PPM1L: variants seen among roughly 807,000 people sequenced by gnomAD.
The protein encoded by PPM1L is protein phosphatase, Mg2+/Mn2+ dependent 1L.
A neutral mutation model predicts 31.4 loss-of-function variants in PPM1L; 13 were observed. The observed-to-expected ratio is 0.41, with a 90% confidence interval of 0.27 to 0.66. The LOEUF is 0.66. Among genes scored for constraint, PPM1L ranks in the 30% least tolerant of loss-of-function variants. PPM1L has a pLI of 0.29. For missense variants in PPM1L, 326 were observed against 453.7 expected (o/e 0.72, Z 2.56); for synonymous variants, 184 against 175.4 (o/e 1.05, Z -0.39).
Position 160,807,037 on chromosome 3 carries a change from A to G in PPM1L, c.399+50330A>G, listed in dbSNP as rs113852192. Among the ~76,000 whole-genome samples the G allele has an allele frequency of 9.6e-3, 1,456 of 152,304 alleles. 21 individuals are homozygous for G. The highest frequency in any genetic ancestry group is 0.032 in the African/African-American group (1,343 of 41,544). On this transcript the variant is annotated intron_variant, in intron 1 of 3. Transcript: ENST00000498165. ...ACCAGTTACATCAGAATCTCTGAAG[A>G]TGGGGCCGAGGCATCAAGTTTTTAA...
intron 1 of PPM1L, among the ~76,000 whole-genome samples, chr3:160,785,630 T>A (rs958158375): frequency 6.6e-6 from 1 of 152,194 alleles, no homozygotes; most frequent in East Asian, 1.9e-4. Context: ...TTATGTAAAC[T>A]CTTCTGCACT....
chr3:160,973,964 G>A (rs1170779424), intron 2 of PPM1L, among the ~76,000 whole-genome samples: 3 of 148,528 alleles, frequency 2.0e-5, no homozygotes, highest in Non-Finnish European at 4.5e-5. Flanking sequence ...CTGGTGCGCT[G>A]GACCCACTAA....
chr3:160,908,026 T>G (rs1332996274), intron 1 of PPM1L, among the ~76,000 whole-genome samples: 1 of 152,180 alleles, frequency 6.6e-6, no homozygotes, highest in Non-Finnish European at 1.5e-5. Context: ...AGGGAGAGAA[T>G]GATTCTGAAG....
intron 1 of PPM1L, among the ~76,000 whole-genome samples, chr3:160,843,037 A>G (rs886458071): frequency 6.6e-6 from 1 of 152,070 alleles, no homozygotes; most frequent in South Asian, 2.1e-4. Flanking sequence ...GGCTTTTACT[A>G]TTCTTAATAA....
chr3:160,824,022 A>G lies in PPM1L; in HGVS notation c.399+67315A>G, dbSNP rs140359224. Among the ~76,000 whole-genome samples the G allele has an allele frequency of 4.8e-4, 73 of 152,268 alleles. No homozygotes were observed. The East Asian group carries it at 0.012, about 26-fold the overall frequency. ...AGTTCTCACTGAATTTCAAAAAGAG[A>G]TATAAATGTATGAGTGTGCAATAGA... On this transcript the variant is annotated intron_variant, in intron 1 of 3. Transcript: ENST00000498165.
chr3:160,910,259 T>TTTCCCCTTTCCCC (rs1713919561), intron 1 of PPM1L, among the ~76,000 whole-genome samples: 1 of 50,050 alleles, frequency 2.0e-5, no homozygotes, highest in Non-Finnish European at 3.4e-5. Context: ...CCCCTTCCCC[T>TTTCCCCTTTCCCC]TTCCCCTTCC....
rs567880762 is a variant in PPM1L, at chr3:161,072,803, T to C, written c.*3646T>C. On this transcript the variant is annotated 3_prime_UTR_variant, in exon 4 of 4. Transcript: ENST00000498165. ...TGTGTTTAGAAAAGGCAGCATATCA[T>C]TGTATATTTGAAACTATAGGAATAT... 2.6e-5 allele frequency: 4 copies of C among 152,128 alleles called. No individual in the cohort carries two copies. The highest frequency in any genetic ancestry group is 9.7e-5 in the African/African-American group (4 of 41,348). 9.4% of individuals were successfully genotyped at this position (152,128 alleles called of 1,614,324 possible).
intron 1 of PPM1L, among the ~76,000 whole-genome samples, chr3:160,954,095 A>G (rs1461319985): frequency 6.6e-6 from 1 of 152,146 alleles, no homozygotes; most frequent in Non-Finnish European, 1.5e-5. Context: ...TGTATAACCG[A>G]GGATAAGTTT....
intron 2 of PPM1L, among the ~76,000 whole-genome samples, chr3:160,981,940 A>G (rs545446501): frequency 6.6e-6 from 1 of 151,886 alleles, no homozygotes; most frequent in African/African-American, 2.4e-5. Flanking sequence ...TTATTTTTGT[A>G]TTTTTAGTAG....
chr3:160,804,636 A>T (rs1056063790), intron 1 of PPM1L, among the ~76,000 whole-genome samples: 3 of 152,122 alleles, frequency 2.0e-5, no homozygotes. Context: ...TTAGAATTTT[A>T]TTTTTCCCTA....
chr3:160,988,044 G>T (rs929800147), intron 2 of PPM1L, among the ~76,000 whole-genome samples: 1 of 152,090 alleles, frequency 6.6e-6, no homozygotes, highest in Admixed American at 6.5e-5. Flanking sequence ...GAAATAATGG[G>T]ATCTCTAGAG....
At chr3:160,840,591 G>T (rs952639278) in intron 1 of PPM1L, among the ~76,000 whole-genome samples, 3 of 152,038 alleles carry the variant, frequency 2.0e-5, no homozygotes, top group Admixed American at 6.6e-5. Flanking sequence ...ACCAAGGCCT[G>T]GTGTAACTCT....
chr3:160,973,775 T>G (rs1007602782), intron 2 of PPM1L, among the ~76,000 whole-genome samples: 3 of 49,596 alleles, frequency 6.0e-5, no homozygotes, highest in African/African-American at 2.7e-4. Flanking sequence ...TTTTTTTTTT[T>G]TTTTTTTTTT....
chr3:160,774,203 T>C (rs1023608622), intron 1 of PPM1L, among the ~76,000 whole-genome samples: 5 of 152,212 alleles, frequency 3.3e-5, no homozygotes, highest in African/African-American at 1.2e-4. Flanking sequence ...ATTCTCTCAG[T>C]CCGCCACTCC....
chr3:161,064,308 A>G (rs533002861), intron 2 of PPM1L, among the ~76,000 whole-genome samples: 11 of 151,896 alleles, frequency 7.2e-5, no homozygotes, highest in Non-Finnish European at 1.3e-4. Flanking sequence ...TTGAGGTTTC[A>G]GTGAGTTATG....
At chr3:160,926,386 GT>G (rs1486854617) in intron 1 of PPM1L, among the ~76,000 whole-genome samples, 1 of 152,172 alleles carries the variant, frequency 6.6e-6, no homozygotes, top group Admixed American at 6.5e-5. Flanking sequence ...AGACTGCTGT[GT>G]TGATATGAAA....
Position 161,076,637 on chromosome 3 carries a change from A to G in PPM1L, c.*7480A>G, listed in dbSNP as rs1720107408. 1 of 152,152 alleles carries G rather than the reference A, an allele frequency of 6.6e-6. No homozygotes were observed. The highest frequency in any genetic ancestry group is 2.4e-5 in the African/African-American group (1 of 41,446). The allele number at this position is 152,152 out of a possible 1,614,324, so 9.4% of individuals were successfully genotyped here. ...TATAGCACTTACACAACTGCAGTTC[A>G]GGTCACAGAATTGAAATCTATTTGA... On this transcript the variant is annotated 3_prime_UTR_variant, in exon 4 of 4. Coordinates refer to ENST00000498165, the MANE Select transcript of PPM1L (RefSeq NM_139245.4).
intron 1 of PPM1L, among the ~76,000 whole-genome samples, chr3:160,760,918 A>G (rs978220356): frequency 6.6e-6 from 1 of 152,194 alleles, no homozygotes; most frequent in African/African-American, 2.4e-5. Flanking sequence ...CCAGAGTTCC[A>G]CATTTTGCAT....
chr3:160,904,563 T>C (rs532340606), intron 1 of PPM1L, among the ~76,000 whole-genome samples: 1 of 152,212 alleles, frequency 6.6e-6, no homozygotes, highest in South Asian at 2.1e-4. Context: ...TAGACTCTTG[T>C]ATTGGGAAGA....
Sources: gnomAD v4.1 joint callset for allele counts (sites outside exome capture counted in the v4.1 genomes callset) on GRCh38, gnomAD v4.1.1 for gene constraint, MANE v1.5 for transcripts, NCBI Gene and HGNC (gene_info 2026-07-23, HGNC 2026-07-21) for gene names.